Variants in DCLRE1A observed in about 807,000 individuals in gnomAD.
DCLRE1A encodes the protein DNA cross-link repair 1A protein.
DCLRE1A carries 64 observed loss-of-function variants against 91.9 expected under a neutral mutation model. The ratio of observed to expected loss-of-function variants is 0.70; its 90% CI spans 0.57 to 0.86. The LOEUF (loss-of-function observed/expected upper bound fraction) is 0.86. Among genes scored for constraint, DCLRE1A ranks in the 40% least tolerant of loss-of-function variants. The pLI, the probability that DCLRE1A is intolerant of heterozygous loss-of-function variation, is 0.00. For synonymous variants in DCLRE1A, 416 were observed against 431.1 expected (o/e 0.96, Z 0.43); for missense variants, 1,145 against 1,213.3 (o/e 0.94, Z 0.84).
chr10:113,836,890 A>G (rs957491623), intron 8 of DCLRE1A, among the ~76,000 whole-genome samples, 172 bp downstream of exon 8: 3 of 152,230 alleles, frequency 2.0e-5, no homozygotes, highest in Admixed American at 6.5e-5. Flanking sequence ...AAGCTCCTTT[A>G]TATCAGTTTA....
intron 2 of DCLRE1A, among the ~76,000 whole-genome samples, chr10:113,848,226 A>G (rs1845573774): frequency 6.6e-6 from 1 of 151,922 alleles, no homozygotes; most frequent in Non-Finnish European, 1.5e-5. Context: ...CTGAGGCAGG[A>G]GAATGGCATG....
Position 113,853,327 on chromosome 10 carries a change from C to T in DCLRE1A, c.-145G>A, listed in dbSNP as rs1168838106. 4.3e-5 allele frequency: 32 copies of T among 744,266 alleles called. No homozygotes were observed. The allele number at this position is 744,266 out of a possible 1,614,324, so 46.1% of individuals were successfully genotyped here. A position where few individuals can be genotyped will look rare whatever the true frequency, so the allele number is the denominator to read the frequency against. ...CCCCCACCAACTCAATGGGAATCTGCAGTGTTGGTAATGAACATATTGGCA... is the reference window on the plus strand; with the variant it reads ...CCCCCACCAACTCAATGGGAATCTGTAGTGTTGGTAATGAACATATTGGCA... On this transcript the variant is annotated 5_prime_UTR_variant, in exon 1 of 9. Coordinates refer to ENST00000361384, the MANE Select transcript of DCLRE1A (RefSeq NM_014881.5).
Position 113,844,219 on chromosome 10 carries a change from A to C in DCLRE1A, c.2404T>G (p.Phe802Val). The C allele has an allele frequency of 6.2e-7, 1 of 1,614,200 alleles. No homozygotes were observed. The highest frequency in any genetic ancestry group is 8.5e-7 in the Non-Finnish European group (1 of 1,180,004). The change falls in exon 5 of 9, where the codon TTT becomes GTT. Residue 802 changes from phenylalanine to valine, a missense_variant. By Grantham distance (50) the Phe-to-Val change is conservative. Transcript: ENST00000361384. The stretch of plus-strand genomic sequence containing the variant: ...ATGACAGTACCATTAGGAAGATAAA[A>C]GAGGATCATGACAGCACCTGGACAG... ...NHCPGAVMIL[F>V]YLPNGTVILH...
chr10:113,850,063 G>A lies in DCLRE1A; in HGVS notation c.1042C>T (p.His348Tyr). Residue 348 changes from histidine to tyrosine, a missense_variant, in exon 2 of 9, where the codon CAT becomes TAT. His to Tyr is a moderately conservative substitution (Grantham distance 83, BLOSUM62 2). Coordinates refer to ENST00000361384, the MANE Select transcript of DCLRE1A (RefSeq NM_014881.5). ...DDSCGFFKKR[H>Y]GPLLKDQDES... is the part of the protein sequence containing the mutation. Reference sequence around the variant, plus strand: ...TCCTGGTCCTTCAGTAAGGGACCATGTCGTTTTTTAAAAAAACCACAGCTG... The same window carrying A: ...TCCTGGTCCTTCAGTAAGGGACCATATCGTTTTTTAAAAAAACCACAGCTG... 1 of 1,613,860 alleles carries A rather than the reference G, an allele frequency of 6.2e-7. No homozygotes were observed. Among genetic ancestry groups the A allele is most frequent in the Non-Finnish European group, 8.5e-7 (1 of 1,179,970 alleles).
rs961582776 is a variant in DCLRE1A, at chr10:113,850,364, C to A, written c.741G>T (p.Lys247Asn). 1 of 1,614,090 alleles carries A rather than the reference C, an allele frequency of 6.2e-7. No individual in the cohort carries two copies. Among genetic ancestry groups the A allele is most frequent in the Non-Finnish European group, 8.5e-7 (1 of 1,180,050 alleles). The change falls in exon 2 of 9, where the codon AAG becomes AAT. Residue 247 changes from lysine (K) to asparagine (N), a missense_variant. Coordinates refer to ENST00000361384, the MANE Select transcript of DCLRE1A (RefSeq NM_014881.5). Reference sequence around the variant, plus strand: ...GGGATGTTTGGATATGAGTAGAAATCTTTTCACTGGCTTCAGTCAGAGACG... The same window carrying A: ...GGGATGTTTGGATATGAGTAGAAATATTTTCACTGGCTTCAGTCAGAGACG... ...KSPSLTEASE[K>N]ISTHIQTSQQ... is the part of the protein sequence containing the mutation.
At chr10:113,850,782 G>A (rs1845637257) in intron 1 of DCLRE1A, 138 bp from the exon 2 acceptor site, 1 of 628,886 alleles carries the variant, frequency 1.6e-6, no homozygotes, top group South Asian at 2.9e-5. Context: ...AATAAGATTA[G>A]TTATAATTGT....
At chr10:113,835,452 TGAAAA>T in intron 8 of DCLRE1A, 140 bp from the exon 9 acceptor site, 1 of 776,132 alleles carries the variant, frequency 1.3e-6, no homozygotes, top group South Asian at 2.3e-5. Flanking sequence ...GCTTTAGTTC[TGAAAA>T]GAAAACTTGT....
rs773866941 is a variant in DCLRE1A at position 113,837,086 on chromosome 10, T to A, written c.2938A>T (p.Thr980Ser). ...FTRIADVIPQTKGNISIYGIP... is the reference protein window; with the variant it reads ...FTRIADVIPQSKGNISIYGIP... ...CCATATATTGAAATGTTTCCTTTGG[T>A]CTGGGGAATAACATCTGCTATTCTA... The change falls in exon 8 of 9, where the codon ACC becomes TCC. Residue 980 changes from threonine to serine, a missense_variant. Coordinates refer to ENST00000361384, the MANE Select transcript of DCLRE1A (RefSeq NM_014881.5). The A allele has an allele frequency of 2.9e-5, 46 of 1,610,544 alleles. No individual in the cohort carries two copies. The highest frequency in any genetic ancestry group is 1.7e-4 in the South Asian group (15 of 90,326).
chr10:113,839,927 C>T (rs1176676808), intron 7 of DCLRE1A, among the ~76,000 whole-genome samples: 1 of 152,114 alleles, frequency 6.6e-6, no homozygotes, highest in African/African-American at 2.4e-5. Flanking sequence ...CCTCCAAGGA[C>T]ACTAGCCTCA....
intron 7 of DCLRE1A, among the ~76,000 whole-genome samples, chr10:113,838,838 T>C (rs1030708956): frequency 2.0e-5 from 3 of 152,230 alleles, no homozygotes; most frequent in Non-Finnish European, 2.9e-5. Context: ...GATGTTGAAC[T>C]AGATAGCATG....
At chr10:113,835,442 G>T in intron 8 of DCLRE1A, 130 bp from the exon 9 acceptor site, 2 of 868,208 alleles carry the variant, frequency 2.3e-6, no homozygotes, top group Non-Finnish European at 1.7e-6. Flanking sequence ...ACCCCTCAGT[G>T]CTTTAGTTCT....
intron 1 of DCLRE1A, among the ~76,000 whole-genome samples, chr10:113,851,892 T>C (rs994091499): frequency 1.3e-5 from 2 of 152,070 alleles, no homozygotes; most frequent in African/African-American, 4.8e-5. Flanking sequence ...TAATTTTTTT[T>C]GTAAAGATGG....
chr10:113,839,104 T>C (rs948340922), intron 7 of DCLRE1A, among the ~76,000 whole-genome samples: 1 of 152,016 alleles, frequency 6.6e-6, no homozygotes, highest in Non-Finnish European at 1.5e-5. Context: ...GGCGGGCAGA[T>C]CACGAGGTCA....
At position 113,849,001 on chromosome 10, in the gene DCLRE1A, G is replaced by A. The variant is rs1301750901; in HGVS notation, c.2104C>T (p.Pro702Ser). Residue 702 changes from proline to serine, a missense_variant, in exon 2 of 9, where the codon CCA becomes TCA. By Grantham distance (74) the Pro-to-Ser change is moderately conservative. Coordinates refer to ENST00000361384, the MANE Select transcript of DCLRE1A (RefSeq NM_014881.5). ...NVGGSRKKTC[P>S]FYKKIPGTGF... ...TTACCAGGTATTTTCTTATAGAATG[G>A]ACATGTCTTTTTTCTTGATCCTCCT... 1.9e-6 allele frequency: 3 copies of A among 1,613,244 alleles called. No individual in the cohort carries two copies.
At chr10:113,844,325 AGCAC>A in intron 4 of DCLRE1A, 81 bp from the exon 5 acceptor site, 1 of 1,548,010 alleles carries the variant, frequency 6.5e-7, no homozygotes, top group Non-Finnish European at 8.7e-7. Context: ...TCAACAAGTT[AGCAC>A]GCTTTATTAG....
rs1845590110 is a variant in DCLRE1A, at chr10:113,849,010, T to C, written c.2095A>G (p.Lys699Glu). ...ESSNVGGSRK[K>E]TCPFYKKIPG... The stretch of plus-strand genomic sequence containing the variant: ...ATTTTCTTATAGAATGGACATGTCT[T>C]TTTTCTTGATCCTCCTACATTAGAT... The change falls in exon 2 of 9, where the codon AAG becomes GAG. Residue 699 changes from lysine (K) to glutamate (E), a missense_variant. Lys to Glu is a moderately conservative substitution (Grantham distance 56). Transcript: ENST00000361384. 3.1e-6 allele frequency: 5 copies of C among 1,613,550 alleles called. No homozygotes were observed. The highest frequency in any genetic ancestry group is 4.2e-6 in the Non-Finnish European group (5 of 1,179,874).
At position 113,850,180 on chromosome 10, in the gene DCLRE1A, T is replaced by C; in HGVS notation, c.925A>G (p.Thr309Ala). The C allele has an allele frequency of 6.2e-7, 1 of 1,614,196 alleles. No homozygotes were observed. Among genetic ancestry groups the C allele is most frequent in the Non-Finnish European group, 8.5e-7 (1 of 1,180,030 alleles). Residue 309 changes from threonine (T) to alanine (A), a missense_variant, in exon 2 of 9, where the codon ACT becomes GCT. Physicochemically the swap from Thr to Ala is moderately conservative, Grantham distance 58. Coordinates refer to ENST00000361384, the MANE Select transcript of DCLRE1A (RefSeq NM_014881.5). ...TCCGGTTTTTCATCGATATCATGAGTGTCTTCATCACTTTGAAGTGGAGAA... is the reference window on the plus strand; with the variant it reads ...TCCGGTTTTTCATCGATATCATGAGCGTCTTCATCACTTTGAAGTGGAGAA... Reference protein sequence around the residue: ...SYSPLQSDEDTHDIDEKPDDS... With the variant: ...SYSPLQSDEDAHDIDEKPDDS...
In DCLRE1A at chr10:113,837,225, T is replaced by C; in HGVS notation, c.2821-22A>G. 4.4e-6 allele frequency: 7 copies of C among 1,601,810 alleles called. No homozygotes were observed. In the South Asian group the frequency reaches 6.8e-5, roughly 16 times the overall value. ...AGCCCTGTTAAATTAAAATAGCATATTGAGGTCAATGGAGACGAGTTATAT... is the reference window on the plus strand; with the variant it reads ...AGCCCTGTTAAATTAAAATAGCATACTGAGGTCAATGGAGACGAGTTATAT... On this transcript the variant is annotated intron_variant, in intron 7 of 8. Coordinates refer to ENST00000361384, the MANE Select transcript of DCLRE1A (RefSeq NM_014881.5).
chr10:113,847,370 A>G, intron 2 of DCLRE1A, 35 bp from the exon 3 acceptor site: 1 of 1,610,174 alleles, frequency 6.2e-7, no homozygotes, highest in Non-Finnish European at 8.5e-7. Flanking sequence ...AGGTTGAGCA[A>G]GAGCTAAGAT....
Sources: allele counts gnomAD v4.1 joint callset (sites outside exome capture counted in the v4.1 genomes callset), GRCh38; gene constraint gnomAD v4.1.1; transcripts MANE v1.5; gene names NCBI Gene and HGNC (gene_info 2026-07-23, HGNC 2026-07-21).